The following MECOM variants were observed in gnomAD, a reference collection of about 807,000 sequenced individuals.
MECOM encodes histone-lysine N-methyltransferase MECOM.
A neutral mutation model predicts 116.3 loss-of-function variants in MECOM; 13 were observed. The ratio of observed to expected loss-of-function variants is 0.11; its 90% CI spans 0.07 to 0.18. The LOEUF is 0.18. MECOM is among the 10% of genes least tolerant of loss of function. The pLI, the probability that MECOM is intolerant of heterozygous loss-of-function variation, is 1.00. For synonymous variants in MECOM, 528 were observed against 535.2 expected (o/e 0.99, Z 0.19); for missense variants, 1,299 against 1,509.0 (o/e 0.86, Z 2.31).
intron 1 of MECOM, among the ~76,000 whole-genome samples, chr3:169,555,395 A>T (rs1053733806): frequency 2.0e-5 from 3 of 152,188 alleles, no homozygotes; most frequent in African/African-American, 4.8e-5. Flanking sequence ...GAAGGCAGAG[A>T]AGGAAATGGC....
At chr3:169,149,788 T>C (rs1396306980) in intron 2 of MECOM, 2 of 415,230 alleles carry the variant, frequency 4.8e-6, no homozygotes, top group African/African-American at 4.2e-5. Flanking sequence ...GCATCATCAT[T>C]ATTATTATAT....
At chr3:169,235,894 G>A (rs1373200284) in intron 2 of MECOM, among the ~76,000 whole-genome samples, 12 of 149,130 alleles carry the variant, frequency 8.0e-5, no homozygotes, top group Non-Finnish European at 1.5e-4. Context: ...AGGGACAGAC[G>A]CTCCTTGACT....
intron 2 of MECOM, among the ~76,000 whole-genome samples, chr3:169,181,575 T>G (rs1290736805): frequency 6.6e-6 from 1 of 152,168 alleles, no homozygotes; most frequent in East Asian, 1.9e-4. Context: ...CAGACTTCAA[T>G]TATGCCTCAA....
rs980479469 is a variant in MECOM at position 169,663,567 on chromosome 3, C to A, written c.-195G>T. 3 of 555,986 alleles carry A rather than the reference C, an allele frequency of 5.4e-6. No homozygotes were observed. In the Admixed American group the frequency reaches 9.5e-5, roughly 18 times the overall value. The allele number at this position is 555,986 out of a possible 1,614,324, so 34.4% of individuals were successfully genotyped here. A position where few individuals can be genotyped will look rare whatever the true frequency, so the allele number is the denominator to read the frequency against. Reference sequence around the variant, plus strand: ...TTTCTCTCCTGTTTCTCTCTCTCTTCCACACACTCACTCTCTGTATTTTCT... The same window carrying A: ...TTTCTCTCCTGTTTCTCTCTCTCTTACACACACTCACTCTCTGTATTTTCT... On this transcript the variant is annotated 5_prime_UTR_variant, in exon 1 of 17. Coordinates refer to ENST00000651503, the MANE Select transcript of MECOM (RefSeq NM_004991.4).
chr3:169,172,160 G>A (rs1044383876), intron 2 of MECOM, among the ~76,000 whole-genome samples: 3 of 151,574 alleles, frequency 2.0e-5, no homozygotes, highest in African/African-American at 4.8e-5. Flanking sequence ...CCCATGATTC[G>A]ATCTGAAAGA....
intron 5 of MECOM, 138 bp downstream of exon 5, chr3:169,127,706 T>C (rs1733339522): frequency 6.0e-6 from 4 of 664,940 alleles, no homozygotes; most frequent in Admixed American, 2.5e-5. Flanking sequence ...CAGGCAAATA[T>C]GATTTCTGAA....
intron 1 of MECOM, among the ~76,000 whole-genome samples, chr3:169,584,697 T>C (rs1202501969): frequency 1.3e-5 from 2 of 152,218 alleles, no homozygotes; most frequent in Admixed American, 6.5e-5. Context: ...GGTAAACTAC[T>C]GTGTATTTCT....
chr3:169,215,825 G>A (rs943783388), intron 2 of MECOM, among the ~76,000 whole-genome samples: 10 of 152,190 alleles, frequency 6.6e-5, no homozygotes, highest in South Asian at 2.1e-4. Context: ...AACTAGGGTC[G>A]TGCATATGGA....
At chr3:169,565,811 G>A (rs1188525913) in intron 1 of MECOM, among the ~76,000 whole-genome samples, 1 of 152,168 alleles carries the variant, frequency 6.6e-6, no homozygotes, top group Non-Finnish European at 1.5e-5. Flanking sequence ...TTAGTAGTTT[G>A]TGTTCTCCAA....
At chr3:169,660,766 T>A (rs1349114503) in intron 1 of MECOM, among the ~76,000 whole-genome samples, 1 of 152,180 alleles carries the variant, frequency 6.6e-6, no homozygotes, top group Non-Finnish European at 1.5e-5. Flanking sequence ...CACGCGCTAC[T>A]CGGGGGAAGG....
At chr3:169,244,506 T>G (rs750460842) in intron 2 of MECOM, among the ~76,000 whole-genome samples, 45 of 152,236 alleles carry the variant, frequency 3.0e-4, no homozygotes, top group Non-Finnish European at 4.6e-4. Flanking sequence ...TAAGAATCTT[T>G]GTTCTCCTTC....
At chr3:169,102,383 A>T (rs184745008) in intron 10 of MECOM, among the ~76,000 whole-genome samples, 157 bp from the exon 11 acceptor site, 2 of 152,346 alleles carry the variant, frequency 1.3e-5, no homozygotes, top group East Asian at 3.9e-4. Context: ...ACAACAACAG[A>T]ATTGATTTAT....
At chr3:169,120,580 C>T (rs1430954237) in intron 7 of MECOM, among the ~76,000 whole-genome samples, 1 of 152,232 alleles carries the variant, frequency 6.6e-6, no homozygotes, top group South Asian at 2.1e-4. Context: ...CCCCCTCGCT[C>T]TCTCCACACA....
At chr3:169,168,061 T>C (rs1285441404) in intron 2 of MECOM, among the ~76,000 whole-genome samples, 3 of 152,180 alleles carry the variant, frequency 2.0e-5, no homozygotes, top group African/African-American at 4.8e-5. Context: ...ATTGCAATTC[T>C]ATTGTTAAAA....
At chr3:169,341,841 T>A (rs995809485) in intron 2 of MECOM, among the ~76,000 whole-genome samples, 1 of 151,576 alleles carries the variant, frequency 6.6e-6, no homozygotes, top group Non-Finnish European at 1.5e-5. Context: ...AATAAAAGAG[T>A]GTAATTGGAT....
chr3:169,243,823 C>A (rs1755205409), intron 2 of MECOM, among the ~76,000 whole-genome samples: 1 of 152,122 alleles, frequency 6.6e-6, no homozygotes, highest in Non-Finnish European at 1.5e-5. Context: ...AGGGTAAAAA[C>A]CTAAATGCAA....
At chr3:169,240,119 T>A (rs1325963193) in intron 2 of MECOM, among the ~76,000 whole-genome samples, 1 of 152,216 alleles carries the variant, frequency 6.6e-6, no homozygotes, top group African/African-American at 2.4e-5. Context: ...AAACTGGTTT[T>A]ATGATTATAG....
chr3:169,391,475 T>C (rs138583526), intron 1 of MECOM, among the ~76,000 whole-genome samples: 8 of 152,236 alleles, frequency 5.3e-5, no homozygotes, highest in East Asian at 3.9e-4. Flanking sequence ...AAGGCCCCCA[T>C]ATTGAGTTTC....
intron 11 of MECOM, among the ~76,000 whole-genome samples, chr3:169,101,558 C>T (rs978398451): frequency 6.1e-5 from 5 of 82,062 alleles, no homozygotes; most frequent in African/African-American, 2.3e-4. Context: ...AAATTATAAG[C>T]ACAATTTATT....
Sources: gnomAD v4.1 joint callset for allele counts (sites outside exome capture counted in the v4.1 genomes callset) on GRCh38, gnomAD v4.1.1 for gene constraint, MANE v1.5 for transcripts, NCBI Gene and HGNC (gene_info 2026-07-23, HGNC 2026-07-21) for gene names.